ANK1: variants seen among roughly 807,000 people sequenced by gnomAD.
ANK1 encodes ankyrin-1.
Under a neutral mutation model 210.4 loss-of-function variants are expected in ANK1, and 51 were observed. That is an observed-to-expected ratio of 0.24 (90% CI 0.19 to 0.31). The LOEUF (loss-of-function observed/expected upper bound fraction) is 0.31. Ranked by LOEUF, ANK1 falls within the 10% of genes least tolerant of loss-of-function variation. ANK1 has a pLI of 1.00. For missense variants in ANK1, 2,051 were observed against 2,504.4 expected (o/e 0.82, Z 3.86); for synonymous variants, 967 against 1,025.9 (o/e 0.94, Z 1.10).
chr8:41,725,433 C>G (rs1430899163), intron 6 of ANK1, among the ~76,000 whole-genome samples: 1 of 152,132 alleles, frequency 6.6e-6, no homozygotes, highest in African/African-American at 2.4e-5. Context: ...ACGGGGCAGC[C>G]GGGGAGGAGA....
upstream of ANK1, among the ~76,000 whole-genome samples, chr8:41,798,943 C>T (rs867470794): frequency 6.6e-6 from 1 of 151,456 alleles, no homozygotes; most frequent in East Asian, 1.9e-4. Flanking sequence ...ACAGCTGCTG[C>T]GGAAAGATGC....
Position 41,654,666 on chromosome 8 carries a change from T to C in ANK1, c.*1124A>G. ...CCGCAGAAGTCCTCAGGAGCTGCGCTGTCAGGCTCTGTACGTACTGCTAAA... is the reference window on the plus strand; with the variant it reads ...CCGCAGAAGTCCTCAGGAGCTGCGCCGTCAGGCTCTGTACGTACTGCTAAA... On this transcript the variant is annotated 3_prime_UTR_variant, in exon 43 of 43. Transcript: ENST00000289734. The C allele has an allele frequency of 6.5e-6, 1 of 152,842 alleles. No homozygotes were observed. 9.5% of individuals were successfully genotyped at this position (152,842 alleles called of 1,614,324 possible).
intron 1 of ANK1, among the ~76,000 whole-genome samples, chr8:41,766,982 G>A (rs968677887): frequency 6.6e-6 from 1 of 152,152 alleles, no homozygotes; most frequent in African/African-American, 2.4e-5. Context: ...TGGGGTGAGG[G>A]GACTTGGCCT....
rs551061100 is a variant in ANK1 at position 41,864,455 on chromosome 8, C to T, written c.126+31900G>A. On this transcript the variant is annotated intron_variant, in intron 1 of 42. Coordinates refer to the ANK1 transcript ENST00000265709. ...CTGTGAGTGCACCTCCTGCCCACCACGAGAGCTGCTGGCCGCGTGCTGAGT... is the reference window on the plus strand; with the variant it reads ...CTGTGAGTGCACCTCCTGCCCACCATGAGAGCTGCTGGCCGCGTGCTGAGT... Among the ~76,000 whole-genome samples, 147 of 152,232 alleles carry T rather than the reference C, an allele frequency of 9.7e-4. 1 individual carries two copies. The highest frequency in any genetic ancestry group is 2.9e-3 in the African/African-American group (119 of 41,538).
At position 41,655,688 on chromosome 8, in the gene ANK1, C is replaced by A; in HGVS notation, c.*102G>T. 1 of 1,612,262 alleles carries A rather than the reference C, an allele frequency of 6.2e-7. No individual in the cohort carries two copies. The highest frequency in any genetic ancestry group is 1.1e-5 in the South Asian group (1 of 91,030). ...TGCACCGCTGCGGTGGCCCTCAGGTCCAGCTCTCCTCCTGTGTGCATGGCA... is the reference window on the plus strand; with the variant it reads ...TGCACCGCTGCGGTGGCCCTCAGGTACAGCTCTCCTCCTGTGTGCATGGCA... On this transcript the variant is annotated 3_prime_UTR_variant, in exon 43 of 43. Coordinates refer to ENST00000289734, the MANE Select transcript of ANK1 (RefSeq NM_000037.4).
In ANK1 at chr8:41,830,043, T is replaced by G. The variant is rs192290987; in HGVS notation, c.126+66312A>C. 5 of 151,996 alleles carry G rather than the reference T, an allele frequency of 3.3e-5. No individual in the cohort carries two copies. In the East Asian group the frequency reaches 9.7e-4, roughly 29 times the overall value. The allele number at this position is 151,996 out of a possible 1,614,324, so 9.4% of individuals were successfully genotyped here. A position where few individuals can be genotyped will look rare whatever the true frequency, so the allele number is the denominator to read the frequency against. ...TCCTCCGATAACATCAATGAAATTTTGCCCAGCACAGAGCAAGTACTAAAT... is the reference window on the plus strand; with the variant it reads ...TCCTCCGATAACATCAATGAAATTTGGCCCAGCACAGAGCAAGTACTAAAT... On this transcript the variant is annotated intron_variant, in intron 1 of 42. Coordinates refer to the ANK1 transcript ENST00000265709.
In ANK1 at chr8:41,842,355, T is replaced by C. The variant is rs191349040; in HGVS notation, c.126+54000A>G. Among the ~76,000 whole-genome samples, 152 of 151,892 alleles carry C rather than the reference T, an allele frequency of 1.0e-3. 1 individual carries two copies. The East Asian group carries it at 0.027, about 27-fold the overall frequency. On this transcript the variant is annotated intron_variant, in intron 1 of 42. Transcript: ENST00000265709. ...AAAAATACAAAAAATTAGCTGGGCG[T>C]GGTGGTGGGCGCCTATAATCCCAGC...
chr8:41,751,572 C>T (rs1175506822), intron 2 of ANK1, among the ~76,000 whole-genome samples: 1 of 152,152 alleles, frequency 6.6e-6, no homozygotes, highest in African/African-American at 2.4e-5. Flanking sequence ...ATGACCCATT[C>T]CCAGGCTGCG....
rs1586232647 is a variant in ANK1 at position 41,701,406 on chromosome 8, C to T, written c.2461+144G>A. The stretch of plus-strand genomic sequence containing the variant: ...TGATAGTAGACAACAGTTATAAAAA[C>T]CAGGTCTCCCCAGTTTCAGTGTCCA... On this transcript the variant is annotated intron_variant, in intron 22 of 42. Coordinates refer to ENST00000289734, the MANE Select transcript of ANK1 (RefSeq NM_000037.4). 3.9e-5 allele frequency: 27 copies of T among 700,184 alleles called. No homozygotes were observed. In the East Asian group the frequency reaches 6.5e-4, roughly 17 times the overall value. 43.4% of individuals were successfully genotyped at this position (700,184 alleles called of 1,614,324 possible).
chr8:41,783,015 G>A (rs1490091224), intron 1 of ANK1, among the ~76,000 whole-genome samples: 1 of 152,188 alleles, frequency 6.6e-6, no homozygotes, highest in African/African-American at 2.4e-5. Flanking sequence ...TCCACAGAGA[G>A]CTGTTAAACC....
chr8:41,775,701 A>G (rs140911385), intron 1 of ANK1, among the ~76,000 whole-genome samples: 107 of 152,262 alleles, frequency 7.0e-4, no homozygotes, highest in Middle Eastern at 3.4e-3. Flanking sequence ...GCAACATAGC[A>G]AGATCTCTGT....
chr8:41,773,196 C>T lies in ANK1; in HGVS notation c.28-15059G>A, dbSNP rs1249188097. ...GGTCAATTAAGGTGTCCTGGGCACC[C>T]GGCCTGGCTGGAGTAAGGGATGGCA... On this transcript the variant is annotated intron_variant, in intron 1 of 42. Coordinates refer to ENST00000289734, the MANE Select transcript of ANK1 (RefSeq NM_000037.4). 3.3e-5 allele frequency among the ~76,000 whole-genome samples: 5 copies of T among 151,918 alleles called. No individual in the cohort carries two copies. The East Asian group carries it at 5.8e-4, about 18-fold the overall frequency.
chr8:41,685,775 C>T (rs189676253), intron 36 of ANK1, among the ~76,000 whole-genome samples: 132 of 152,326 alleles, frequency 8.7e-4, no homozygotes, highest in African/African-American at 2.9e-3. Context: ...GTTGGGACTA[C>T]AGGTGTGTGC....
At chr8:41,803,976 T>C (rs1439090464) in intron 1 of ANK1, among the ~76,000 whole-genome samples, 2 of 152,228 alleles carry the variant, frequency 1.3e-5, no homozygotes, top group African/African-American at 4.8e-5. Context: ...ATATTGGTTA[T>C]TTTAATTTGC....
intron 14 of ANK1, 88 bp from the exon 15 acceptor site, chr8:41,715,162 G>A (rs530674049): frequency 2.0e-5 from 25 of 1,247,912 alleles, no homozygotes; most frequent in African/African-American, 1.8e-4. Context: ...CTGCACCTCC[G>A]CTGGCATGGA....
chr8:41,730,407 C>G (rs1324484217), intron 3 of ANK1, among the ~76,000 whole-genome samples: 1 of 151,192 alleles, frequency 6.6e-6, no homozygotes, highest in Admixed American at 6.6e-5. Flanking sequence ...GAGTTCAAGA[C>G]CAGCCTGGGA....
At chr8:41,709,564 A>T (rs190617448) in intron 16 of ANK1, among the ~76,000 whole-genome samples, 278 of 152,374 alleles carry the variant, frequency 1.8e-3, no homozygotes, top group African/African-American at 6.3e-3. Context: ...GGATAATAGC[A>T]TCTATCTTGT....
intron 1 of ANK1, among the ~76,000 whole-genome samples, chr8:41,886,148 A>G (rs1818406320): frequency 6.6e-6 from 1 of 152,224 alleles, no homozygotes. Flanking sequence ...GCTCAGGTGC[A>G]GACATGTGTT....
intron 1 of ANK1, among the ~76,000 whole-genome samples, chr8:41,882,355 C>A (rs998258641): frequency 1.4e-4 from 22 of 152,120 alleles, no homozygotes; most frequent in African/African-American, 5.1e-4. Flanking sequence ...GTAGAGGGTT[C>A]CAGCTCAACA....
Sources: gnomAD v4.1 joint callset for allele counts (sites outside exome capture counted in the v4.1 genomes callset) on GRCh38, gnomAD v4.1.1 for gene constraint, MANE v1.5 for transcripts, NCBI Gene and HGNC (gene_info 2026-07-23, HGNC 2026-07-21) for gene names.